PRKCI: variants seen among roughly 807,000 people sequenced by gnomAD.
PRKCI encodes the protein protein kinase C iota.
In PRKCI, 43 loss-of-function variants were observed where a neutral mutation model predicts 84.0. That is an observed-to-expected ratio of 0.51 (90% confidence interval 0.40 to 0.66). PRKCI has a LOEUF of 0.66. PRKCI is among the 30% of genes least tolerant of loss of function. The pLI is 0.00. For missense variants in PRKCI, 459 were observed against 745.6 expected (o/e 0.62, Z 4.48); for synonymous variants, 216 against 234.4 (o/e 0.92, Z 0.72).
intron 2 of PRKCI, among the ~76,000 whole-genome samples, chr3:170,253,817 C>A (rs1466912228): frequency 6.6e-6 from 1 of 150,428 alleles, no homozygotes; most frequent in Non-Finnish European, 1.5e-5. Context: ...CTATTCAGGG[C>A]TAGGGATGGT....
At chr3:170,276,351 C>G (rs1203153942) in intron 8 of PRKCI, among the ~76,000 whole-genome samples, 2 of 152,110 alleles carry the variant, frequency 1.3e-5, no homozygotes, top group South Asian at 4.1e-4. Flanking sequence ...TACTCACTTC[C>G]CTCACTCCTG....
chr3:170,254,577 G>A (rs1733536931), intron 2 of PRKCI, among the ~76,000 whole-genome samples: 1 of 108,728 alleles, frequency 9.2e-6, no homozygotes, highest in Admixed American at 9.7e-5. Flanking sequence ...TTTATTGAAG[G>A]CTGTCTTTTC....
intron 12 of PRKCI, among the ~76,000 whole-genome samples, chr3:170,290,699 C>T (rs115258421): frequency 0.015 from 2,351 of 151,724 alleles, 41 homozygotes; most frequent in East Asian, 0.085. Flanking sequence ...TCCTTTTTTA[C>T]TCTTTGTATT....
chr3:170,287,888 G>A (rs1734434644), intron 12 of PRKCI, among the ~76,000 whole-genome samples: 1 of 118,976 alleles, frequency 8.4e-6, no homozygotes, highest in Non-Finnish European at 1.6e-5. Context: ...CAGTCTGGGT[G>A]ACAAAGTGAG....
chr3:170,270,283 C>T, intron 5 of PRKCI, 138 bp from the exon 6 acceptor site: 1 of 801,222 alleles, frequency 1.2e-6, no homozygotes, highest in Admixed American at 3.4e-5. Context: ...TATGAGGAAG[C>T]TTTGTTTTGC....
chr3:170,229,528 C>T (rs1294466596), intron 1 of PRKCI, among the ~76,000 whole-genome samples: 1 of 152,182 alleles, frequency 6.6e-6, no homozygotes, highest in African/African-American at 2.4e-5. Flanking sequence ...AGCTCCTGTG[C>T]TCAAGTGATT....
At chr3:170,238,798 G>A (rs979105464) in intron 2 of PRKCI, among the ~76,000 whole-genome samples, 2 of 151,970 alleles carry the variant, frequency 1.3e-5, no homozygotes, top group South Asian at 2.1e-4. Context: ...CACCATGTTG[G>A]CCAGGCTGGT....
At chr3:170,287,537 C>T (rs776490158) in intron 12 of PRKCI, among the ~76,000 whole-genome samples, 5 of 151,690 alleles carry the variant, frequency 3.3e-5, no homozygotes, top group East Asian at 1.9e-4. Context: ...AATTGCATTA[C>T]AGTACACTAA....
At chr3:170,298,491 G>A (rs192176961) in intron 16 of PRKCI, among the ~76,000 whole-genome samples, 147 of 148,434 alleles carry the variant, frequency 9.9e-4, no homozygotes, top group African/African-American at 3.5e-3. Flanking sequence ...TGCAACCTTC[G>A]CCACCTGGGT....
At chr3:170,287,051 T>TACATA (rs947871625) in intron 12 of PRKCI, among the ~76,000 whole-genome samples, 56 of 152,084 alleles carry the variant, frequency 3.7e-4, no homozygotes, top group African/African-American at 1.3e-3. Flanking sequence ...TTGTAAAAAA[T>TACATA]ACATAACACA....
intron 1 of PRKCI, among the ~76,000 whole-genome samples, chr3:170,232,197 C>T (rs1190814103): frequency 3.3e-5 from 5 of 151,858 alleles, no homozygotes; most frequent in Non-Finnish European, 5.9e-5. Flanking sequence ...ACTGTAGGCA[C>T]ACACCACTAT....
In PRKCI at chr3:170,284,723, C is replaced by T. The variant is rs1205341637; in HGVS notation, c.1203+127C>T. On this transcript the variant is annotated intron_variant, in intron 12 of 17. Transcript: ENST00000295797. ...TAATTTACTTAAGCTTTGTGGAATT[C>T]TAGCACAAAGACAAATGTACTTTTT... is the stretch of plus-strand genomic sequence containing the variant. 3 of 1,139,028 alleles carry T rather than the reference C, an allele frequency of 2.6e-6. No individual in the cohort carries two copies. In the East Asian group the frequency reaches 8.1e-5, roughly 31 times the overall value. 70.6% of individuals were successfully genotyped at this position (1,139,028 alleles called of 1,614,324 possible).
At chr3:170,290,457 A>G (rs1734521417) in intron 12 of PRKCI, among the ~76,000 whole-genome samples, 2 of 151,858 alleles carry the variant, frequency 1.3e-5, no homozygotes, top group South Asian at 2.1e-4. Flanking sequence ...CTCTCTCTCT[A>G]ATGTCTCTCT....
At chr3:170,280,466 A>G in intron 9 of PRKCI, 63 bp downstream of exon 9, 1 of 1,396,912 alleles carries the variant, frequency 7.2e-7, no homozygotes, top group Non-Finnish European at 9.7e-7. Context: ...TTTTTTTTTG[A>G]AACGGAGTTT....
chr3:170,226,178 G>T (rs959031170), intron 1 of PRKCI, among the ~76,000 whole-genome samples: 1 of 152,180 alleles, frequency 6.6e-6, no homozygotes, highest in African/African-American at 2.4e-5. Context: ...CTCCCAAAGT[G>T]TTGGGATTAC....
intron 5 of PRKCI, 134 bp from the exon 6 acceptor site, chr3:170,270,287 G>GTTTTGC (rs1733966029): frequency 4.6e-6 from 4 of 860,830 alleles, no homozygotes; most frequent in Non-Finnish European, 6.5e-6. Context: ...AGGAAGCTTT[G>GTTTTGC]TTTTGCTTTT....
intron 12 of PRKCI, among the ~76,000 whole-genome samples, chr3:170,289,774 TG>T (rs1274249793): frequency 6.6e-6 from 1 of 151,928 alleles, no homozygotes; most frequent in African/African-American, 2.4e-5. Flanking sequence ...TAGGTGGGCG[TG>T]GTGGTGCATA....
At chr3:170,231,499 C>G (rs1006917578) in intron 1 of PRKCI, among the ~76,000 whole-genome samples, 2 of 151,988 alleles carry the variant, frequency 1.3e-5, no homozygotes, top group Non-Finnish European at 2.9e-5. Context: ...GAGTCTCACT[C>G]TGTCGCCCAG....
chr3:170,278,144 C>A (rs148596131), intron 8 of PRKCI, among the ~76,000 whole-genome samples: 3 of 152,154 alleles, frequency 2.0e-5, no homozygotes, highest in Admixed American at 1.3e-4. Flanking sequence ...TGTTAAGTGG[C>A]GTCTATCATT....
Sources: gnomAD v4.1 joint callset for allele counts (sites outside exome capture counted in the v4.1 genomes callset) on GRCh38, gnomAD v4.1.1 for gene constraint, MANE v1.5 for transcripts, NCBI Gene and HGNC (gene_info 2026-07-23, HGNC 2026-07-21) for gene names.